ZNF814: variants seen among roughly 807,000 people sequenced by gnomAD.
ZNF814 encodes the protein zinc finger protein 814.
A neutral mutation model predicts 7.5 loss-of-function variants in ZNF814; 5 were observed. That is an observed-to-expected ratio of 0.67 (90% CI 0.35 to 1.40). The LOEUF (loss-of-function observed/expected upper bound fraction) is 1.40. Ranked by LOEUF, ZNF814 falls within the 40% of genes most tolerant of loss-of-function variation. The pLI is 0.04. For missense variants in ZNF814, 962 were observed against 1,018.0 expected, an observed-to-expected ratio of 0.94 and a Z score of 0.75; for synonymous variants, 315 against 340.7, an observed-to-expected ratio of 0.92 and a Z score of 0.83.
the ZNF814 span, among the ~76,000 whole-genome samples, chr19:57,902,040 A>G: frequency 6.6e-6 from 1 of 152,190 alleles, no homozygotes; most frequent in East Asian, 1.9e-4. Context: ...ATGCTTACAA[A>G]TTGGCACACA....
At chr19:57,878,884 C>G (rs1487541280) in intron 1 of ZNF814, among the ~76,000 whole-genome samples, 2 of 152,066 alleles carry the variant, frequency 1.3e-5, no homozygotes, top group Non-Finnish European at 1.5e-5. Flanking sequence ...CTGGACAACA[C>G]AGCAAGGTCT....
intron 1 of ZNF814, among the ~76,000 whole-genome samples, chr19:57,883,811 G>A (rs560493242): frequency 5.3e-5 from 8 of 151,494 alleles, no homozygotes; most frequent in African/African-American, 9.7e-5. Flanking sequence ...AGGCTGGAGC[G>A]CAATGGCACA....
At chr19:57,890,943 C>G (rs2071731334), upstream of ZNF814, among the ~76,000 whole-genome samples, 1 of 152,166 alleles carries the variant, frequency 6.6e-6, no homozygotes, top group African/African-American at 2.4e-5. Context: ...TAAAATGAGG[C>G]TGAGCTGCAT....
At position 57,871,341 on chromosome 19, in the gene ZNF814, T is replaced by C. The variant is rs554039856; in HGVS notation, c.*1481A>G. The C allele has an allele frequency of 6.6e-6, 1 of 152,342 alleles. No homozygotes were observed. Among genetic ancestry groups the C allele is most frequent in the South Asian group, 2.1e-4 (1 of 4,828 alleles). The allele number at this position is 152,342 out of a possible 1,614,324, so 9.4% of individuals were successfully genotyped here. A position where few individuals can be genotyped will look rare whatever the true frequency, so the allele number is the denominator to read the frequency against. ...AGACCACAAAGCCCTGAAGGTCTTCTCTGGAGGCCTCTGGCAGCTATGCAA... is the reference window on the plus strand; with the variant it reads ...AGACCACAAAGCCCTGAAGGTCTTCCCTGGAGGCCTCTGGCAGCTATGCAA... On this transcript the variant is annotated 3_prime_UTR_variant, in exon 3 of 3. Transcript: ENST00000435989.
At chr19:57,900,839 A>ATCTTTTTTTTTTTT in the ZNF814 span, among the ~76,000 whole-genome samples, 1 of 45,782 alleles carries the variant, frequency 2.2e-5, no homozygotes, top group Admixed American at 4.2e-4. Context: ...CCATGGCTGC[A>ATCTTTTTTTTTTTT]TTTTTTTTTT....
In ZNF814 at chr19:57,872,967, G is replaced by A; in HGVS notation, c.2423C>T (p.Ser808Phe). The A allele has an allele frequency of 6.2e-7, 1 of 1,613,576 alleles. No homozygotes were observed. The highest frequency in any genetic ancestry group is 1.1e-5 in the South Asian group (1 of 91,054). Residue 808 changes from serine (S) to phenylalanine (F), a missense_variant, in exon 3 of 3, where the codon TCT (serine) becomes TTT (phenylalanine). Ser to Phe is a radical substitution (Grantham distance 155). Coordinates refer to ENST00000435989, the MANE Select transcript of ZNF814 (RefSeq NM_001144989.2). ...KPYECSECGK[S>F]FAESSSLTKH... The stretch of plus-strand genomic sequence containing the variant: ...AGTGAGACTGGAGCTTTCAGCAAAA[G>A]ATTTTCCACATTCACTGCACTCATA...
rs1470788403 is a variant in ZNF814 at position 57,874,675 on chromosome 19, C to T, written c.715G>A (p.Glu239Lys). The T allele has an allele frequency of 7.7e-6, 12 of 1,562,248 alleles. No homozygotes were observed. Among genetic ancestry groups the T allele is most frequent in the Non-Finnish European group, 1.0e-5 (12 of 1,152,146 alleles). Residue 239 changes from glutamate (E) to lysine (K), a missense_variant, in exon 3 of 3, where the codon GAA becomes AAA. By Grantham distance (56) the Glu-to-Lys change is moderately conservative. This residue lies in a region of ZNF814 where 126 missense variants were observed against 123.5 expected (regional missense o/e 1.02). Coordinates refer to ENST00000435989, the MANE Select transcript of ZNF814 (RefSeq NM_001144989.2). Reference sequence around the variant, plus strand: ...CATTCACAGCACACATAACACTCTTCTCTAGTGAGCAGTCTCTGGTGCTGA... The same window carrying T: ...CATTCACAGCACACATAACACTCTTTTCTAGTGAGCAGTCTCTGGTGCTGA... ...LSQHQRLLTREECYVCCECGK... is the reference protein window; with the variant it reads ...LSQHQRLLTRKECYVCCECGK...
chr19:57,887,102 C>T (rs1297170165), intron 1 of ZNF814, among the ~76,000 whole-genome samples: 2 of 152,094 alleles, frequency 1.3e-5, no homozygotes, highest in Admixed American at 6.6e-5. Flanking sequence ...GCAGGAGAAT[C>T]GCTTGAACCC....
the ZNF814 span, among the ~76,000 whole-genome samples, chr19:57,905,047 CAA>C: frequency 1.9e-4 from 10 of 53,426 alleles, no homozygotes; most frequent in South Asian, 8.7e-4. Flanking sequence ...AACTCCGTCT[CAA>C]AAAAAAAAAA....
chr19:57,880,600 A>G (rs1600138551), intron 1 of ZNF814, among the ~76,000 whole-genome samples: 2 of 129,010 alleles, frequency 1.6e-5, no homozygotes, highest in Admixed American at 7.8e-5. Flanking sequence ...TTAACAGAAC[A>G]CCTTTTTTTT....
intron 1 of ZNF814, among the ~76,000 whole-genome samples, chr19:57,877,797 C>T (rs1326281461): frequency 2.0e-5 from 3 of 152,068 alleles, no homozygotes; most frequent in South Asian, 4.1e-4. Context: ...TTGATATCTA[C>T]CCCTAGGGCT....
chr19:57,893,232 G>C (rs1356094790), upstream of ZNF814, among the ~76,000 whole-genome samples: 1 of 149,434 alleles, frequency 6.7e-6, no homozygotes, highest in Non-Finnish European at 1.5e-5. Flanking sequence ...GGAGTGCAGT[G>C]GTGTGATTTC....
the ZNF814 span, among the ~76,000 whole-genome samples, chr19:57,901,980 A>T: frequency 2.0e-5 from 3 of 152,196 alleles, no homozygotes; most frequent in Non-Finnish European, 4.4e-5. Context: ...GAAAATGAAT[A>T]TATCAATAGG....
chr19:57,878,018 T>C (rs1440227668), intron 1 of ZNF814, among the ~76,000 whole-genome samples: 1 of 151,584 alleles, frequency 6.6e-6, no homozygotes, highest in Non-Finnish European at 1.5e-5. Flanking sequence ...TACAAAAAAT[T>C]AGCTGAGCGT....
At chr19:57,888,681 C>T in intron 1 of ZNF814, 86 bp downstream of exon 1, 1 of 1,507,582 alleles carries the variant, frequency 6.6e-7, no homozygotes. Flanking sequence ...GGCGTCCGGG[C>T]TGCAGAGCCG....
chr19:57,888,859 G>A lies in ZNF814; in HGVS notation c.-57C>T, dbSNP rs2071715524. 2 of 1,540,234 alleles carry A rather than the reference G, an allele frequency of 1.3e-6. No homozygotes were observed. Among genetic ancestry groups the A allele is most frequent in the Non-Finnish European group, 1.8e-6 (2 of 1,136,984 alleles). On this transcript the variant is annotated 5_prime_UTR_variant, in exon 1 of 3. Coordinates refer to ENST00000435989, the MANE Select transcript of ZNF814 (RefSeq NM_001144989.2). The stretch of plus-strand genomic sequence containing the variant: ...GATAGGGCGACCAGCCAGGAGATAT[G>A]GGCACGACGGTCCGTATCCTGGCCC...
At chr19:57,888,555 C>G (rs1227135099) in intron 1 of ZNF814, among the ~76,000 whole-genome samples, 1 of 152,174 alleles carries the variant, frequency 6.6e-6, no homozygotes, top group Non-Finnish European at 1.5e-5. Flanking sequence ...CCTTCTGGCT[C>G]AGTTCACTTC....
At chr19:57,901,990 G>C in the ZNF814 span, among the ~76,000 whole-genome samples, 1 of 152,132 alleles carries the variant, frequency 6.6e-6, no homozygotes, top group African/African-American at 2.4e-5. Flanking sequence ...ATATCAATAG[G>C]ATATAAATAT....
upstream of ZNF814, among the ~76,000 whole-genome samples, chr19:57,892,171 G>A (rs914044559): frequency 2.0e-5 from 3 of 152,202 alleles, no homozygotes; most frequent in Non-Finnish European, 2.9e-5. Flanking sequence ...TGAGGGCTGT[G>A]TCACAGGCCA....
Sources: gnomAD v4.1 joint callset for allele counts (sites outside exome capture counted in the v4.1 genomes callset) on GRCh38, gnomAD v4.1.1 for gene constraint, gnomAD v4.1.1 regional missense constraint, MANE v1.5 for transcripts, NCBI Gene and HGNC (gene_info 2026-07-23, HGNC 2026-07-21) for gene names.